Variants in PRMT8 observed in about 807,000 individuals in gnomAD.
PRMT8 encodes protein arginine N-methyltransferase 8.
PRMT8 carries 7 observed loss-of-function variants against 47.1 expected under a neutral mutation model. The observed-to-expected ratio is 0.15, with a 90% CI of 0.08 to 0.28. PRMT8 has a LOEUF of 0.28. Ranked by LOEUF, PRMT8 falls within the 10% of genes least tolerant of loss-of-function variation. The pLI, the probability that PRMT8 is intolerant of heterozygous loss-of-function variation, is 1.00. For synonymous variants in PRMT8, 188 were observed against 186.5 expected, an observed-to-expected ratio of 1.01 and a Z score of -0.07; for missense variants, 237 against 505.4, an observed-to-expected ratio of 0.47 and a Z score of 5.09.
At chr12:3,490,203 T>C (rs1263861381), upstream of PRMT8, among the ~76,000 whole-genome samples, 1 of 152,134 alleles carries the variant, frequency 6.6e-6, no homozygotes, top group African/African-American at 2.4e-5. Context: ...GGTTGAAAGC[T>C]TAAAAGTACA....
In PRMT8 at chr12:3,540,613, G is replaced by GA; in HGVS notation, c.83_84insA (p.Ser28ArgfsTer14). 8.8e-7 allele frequency: 1 copy of GA among 1,130,518 alleles called. No homozygotes were observed. The highest frequency in any genetic ancestry group is 1.3e-5 in the South Asian group (1 of 78,806). The allele number at this position is 1,130,518 out of a possible 1,614,324, so 70.0% of individuals were successfully genotyped here. A position where few individuals can be genotyped will look rare whatever the true frequency, so the allele number is the denominator to read the frequency against. Reference sequence around the variant, plus strand: ...CCCTTCTCTTCCCCTCAGGTGAACAGCCCCCCCTCCCAGCCCCCCCAGCCC... The same window carrying GA: ...CCCTTCTCTTCCCCTCAGGTGAACAGACCCCCCCTCCCAGCCCCCCCAGCCC... On this transcript the variant is annotated frameshift_variant, in exon 2 of 10. Transcript: ENST00000382622. LOFTEE classifies it high-confidence loss of function.
intron 1 of PRMT8, among the ~76,000 whole-genome samples, chr12:3,459,394 G>A (rs1005266267): frequency 2.0e-5 from 3 of 152,066 alleles, no homozygotes; most frequent in African/African-American, 7.2e-5. Flanking sequence ...TTCCTCGATC[G>A]AGGGGAAGCT....
At chr12:3,586,665 T>C (rs1460102227) in intron 8 of PRMT8, among the ~76,000 whole-genome samples, 1 of 152,202 alleles carries the variant, frequency 6.6e-6, no homozygotes, top group African/African-American at 2.4e-5. Context: ...GGGCCAGCCG[T>C]CTGTGTCTTA....
chr12:3,496,295 A>C (rs955912990), intron 1 of PRMT8, among the ~76,000 whole-genome samples: 10 of 139,108 alleles, frequency 7.2e-5, no homozygotes, highest in Non-Finnish European at 1.2e-4. Flanking sequence ...AGGTTGGAAA[A>C]AATCCTACAA....
intron 1 of PRMT8, among the ~76,000 whole-genome samples, chr12:3,474,593 C>G (rs1248453682): frequency 1.3e-5 from 2 of 152,100 alleles, no homozygotes; most frequent in African/African-American, 4.8e-5. Flanking sequence ...ATGCTCTCCC[C>G]TGGCCTTCCT....
At chr12:3,481,365 G>A (rs879377970) in intron 1 of PRMT8, among the ~76,000 whole-genome samples, 2 of 152,234 alleles carry the variant, frequency 1.3e-5, no homozygotes, top group Non-Finnish European at 1.5e-5. Flanking sequence ...CTAGACAACA[G>A]AGGGGAAGGG....
At chr12:3,494,529 C>G (rs967828087) in intron 1 of PRMT8, among the ~76,000 whole-genome samples, 2 of 152,068 alleles carry the variant, frequency 1.3e-5, no homozygotes, top group Non-Finnish European at 2.9e-5. Context: ...AACAAGATGC[C>G]ATGTGTGAAT....
chr12:3,410,258 C>T (rs1245737265), intron 1 of PRMT8, among the ~76,000 whole-genome samples: 2 of 152,176 alleles, frequency 1.3e-5, no homozygotes, highest in East Asian at 1.9e-4. Context: ...ATCACTTATA[C>T]CTCATGAGAT....
intron 1 of PRMT8, among the ~76,000 whole-genome samples, chr12:3,412,000 A>G (rs1864435846): frequency 6.6e-6 from 1 of 152,238 alleles, no homozygotes; most frequent in African/African-American, 2.4e-5. Flanking sequence ...GATTGAAGAT[A>G]CAGGCATGCA....
intron 1 of PRMT8, among the ~76,000 whole-genome samples, chr12:3,397,144 T>G (rs1283122618): frequency 6.6e-6 from 1 of 151,866 alleles, no homozygotes; most frequent in Non-Finnish European, 1.5e-5. Flanking sequence ...TCAACTTCTT[T>G]GCCTTTGGTT....
At chr12:3,510,248 C>T (rs1455238303) in intron 1 of PRMT8, among the ~76,000 whole-genome samples, 1 of 152,052 alleles carries the variant, frequency 6.6e-6, no homozygotes, top group Non-Finnish European at 1.5e-5. Context: ...GACCCCTGCT[C>T]CCAGCGTGGT....
At chr12:3,443,274 C>T (rs1864822259) in intron 1 of PRMT8, among the ~76,000 whole-genome samples, 1 of 152,200 alleles carries the variant, frequency 6.6e-6, no homozygotes, top group Non-Finnish European at 1.5e-5. Flanking sequence ...TAGCATTAAA[C>T]TTTATAAGCT....
At chr12:3,490,550 G>T (rs911215185), upstream of PRMT8, among the ~76,000 whole-genome samples, 2 of 150,324 alleles carry the variant, frequency 1.3e-5, no homozygotes, top group African/African-American at 2.4e-5. Flanking sequence ...CTGGAGTGGG[G>T]GGGGGGGCAC....
At chr12:3,439,523 C>CT (rs1475284441) in intron 1 of PRMT8, among the ~76,000 whole-genome samples, 7 of 152,216 alleles carry the variant, frequency 4.6e-5, no homozygotes, top group African/African-American at 1.7e-4. Context: ...ACCTCACCCT[C>CT]TCCCTTTCTC....
rs1451135462 is a variant in PRMT8, at chr12:3,569,087, T to C, written c.624+239T>C. On this transcript the variant is annotated intron_variant, in intron 5 of 9. Transcript: ENST00000382622. This position sits in a 1 kb window ranked among gnomAD's most constrained non-coding sequence, Gnocchi z 8.2. ...GGTCTCACCGCAGCCTCTTTTGCAA[T>C]AACAGACATCCGTTCTCTCTTGTCG... Among the ~76,000 whole-genome samples, 1 of 152,184 alleles carries C rather than the reference T, an allele frequency of 6.6e-6. No individual in the cohort carries two copies. The highest frequency in any genetic ancestry group is 1.5e-5 in the Non-Finnish European group (1 of 68,028).
intron 1 of PRMT8, among the ~76,000 whole-genome samples, chr12:3,478,914 G>A (rs1427765275): frequency 6.6e-6 from 1 of 152,210 alleles, no homozygotes; most frequent in Non-Finnish European, 1.5e-5. Flanking sequence ...AAAGTTACAG[G>A]GAAGCATTAG....
chr12:3,529,139 C>T (rs1249985683), intron 1 of PRMT8, among the ~76,000 whole-genome samples: 1 of 152,218 alleles, frequency 6.6e-6, no homozygotes, highest in Non-Finnish European at 1.5e-5. Context: ...ATCTACAAGA[C>T]TCTGCATTGC....
intron 1 of PRMT8, among the ~76,000 whole-genome samples, chr12:3,424,945 T>C (rs1195337368): frequency 6.6e-6 from 1 of 152,194 alleles, no homozygotes; most frequent in Admixed American, 6.5e-5. Context: ...CGGGTGTGAC[T>C]GGAGCAGGGC....
chr12:3,496,212 ATATTT>A (rs1359492261), intron 1 of PRMT8, among the ~76,000 whole-genome samples: 605 of 19,294 alleles, frequency 0.031, 1 homozygote, highest in Non-Finnish European at 0.042. Context: ...ATATATATAT[ATATTT>A]TTTTTTTTTT....
Sources: gnomAD v4.1 joint callset for allele counts (sites outside exome capture counted in the v4.1 genomes callset) on GRCh38, gnomAD v4.1.1 for gene constraint, Gnocchi (gnomAD v3.1) non-coding constraint, MANE v1.5 for transcripts, NCBI Gene and HGNC (gene_info 2026-07-23, HGNC 2026-07-21) for gene names.